The following KALRN variants were observed in gnomAD, a reference collection of about 807,000 sequenced individuals.
The protein encoded by KALRN is kalirin RhoGEF kinase, also known as kalirin.
KALRN carries 70 observed loss-of-function variants against 353.7 expected under a neutral mutation model. That is an observed-to-expected ratio of 0.20 (90% confidence interval 0.16 to 0.24). The LOEUF (loss-of-function observed/expected upper bound fraction) is 0.24. Among genes scored for constraint, KALRN ranks in the 10% least tolerant of loss-of-function variants. KALRN has a pLI of 1.00. For synonymous variants in KALRN, 1,391 were observed against 1,434.8 expected, an observed-to-expected ratio of 0.97 and a Z score of 0.69; for missense variants, 2,791 against 3,756.7, an observed-to-expected ratio of 0.74 and a Z score of 6.72.
rs1486954279 is a variant in KALRN at position 124,696,241 on chromosome 3, C to A, written c.7685C>A (p.Thr2562Lys). 1 of 1,613,954 alleles carries A rather than the reference C, an allele frequency of 6.2e-7. No individual in the cohort carries two copies. The change falls in exon 54 of 60, where the codon ACA becomes AAA. Residue 2562 changes from threonine (T) to lysine (K), a missense_variant. Transcript: ENST00000682506. ...CACGGGACCACATCAACGTCTGCAACAGTCAAAGTGCAAGGTACAGCCTCT... is the reference window on the plus strand; with the variant it reads ...CACGGGACCACATCAACGTCTGCAAAAGTCAAAGTGCAAGGTACAGCCTCT... ...NDHGTTSTSA[T>K]VKVQGVPAAP...
chr3:124,418,302 A>C (rs553986640), intron 14 of KALRN, among the ~76,000 whole-genome samples: 1 of 152,210 alleles, frequency 6.6e-6, no homozygotes, highest in Non-Finnish European at 1.5e-5. Flanking sequence ...CTTCTTAAAA[A>C]TACCAATGTC....
chr3:124,588,990 G>A (rs1244008823), intron 34 of KALRN, among the ~76,000 whole-genome samples: 1 of 152,172 alleles, frequency 6.6e-6, no homozygotes, highest in Non-Finnish European at 1.5e-5. Context: ...CACTTCACTG[G>A]GGAGGTGCAG....
chr3:124,284,085 C>T (rs183327206), intron 5 of KALRN, among the ~76,000 whole-genome samples: 3 of 152,248 alleles, frequency 2.0e-5, no homozygotes, highest in African/African-American at 4.8e-5. Context: ...GAGGAGAAAG[C>T]GGAGGCAGAG....
intron 3 of KALRN, among the ~76,000 whole-genome samples, chr3:124,257,821 G>A (rs892028270): frequency 1.3e-5 from 2 of 152,178 alleles, no homozygotes; most frequent in Admixed American, 1.3e-4. Flanking sequence ...GGATTTAAAA[G>A]TCTGCTTTGA....
chr3:124,633,736 T>G lies in KALRN; in HGVS notation c.5467-116T>G, dbSNP rs2081051499. On this transcript the variant is annotated intron_variant, in intron 35 of 59. Transcript: ENST00000682506. ...AAAGAGGAAATTGCGACTGAACAGT[T>G]AAGAGTGAGTTGAGAGAGGAACTCT... 3.7e-6 allele frequency: 3 copies of G among 817,528 alleles called. No homozygotes were observed. The Admixed American group carries it at 7.0e-5, about 19-fold the overall frequency. The allele number at this position is 817,528 out of a possible 1,614,324, so 50.6% of individuals were successfully genotyped here. A position where few individuals can be genotyped will look rare whatever the true frequency, so the allele number is the denominator to read the frequency against.
intron 1 of KALRN, among the ~76,000 whole-genome samples, chr3:124,124,620 A>C (rs1465256726): frequency 1.3e-5 from 2 of 152,244 alleles, no homozygotes; most frequent in Non-Finnish European, 2.9e-5. Flanking sequence ...AGAGTCAATC[A>C]ATGTGGCAAA....
intron 11 of KALRN, among the ~76,000 whole-genome samples, chr3:124,389,022 C>T (rs757042333): frequency 6.6e-6 from 1 of 152,036 alleles, no homozygotes; most frequent in Non-Finnish European, 1.5e-5. Context: ...TCCTTCTTAC[C>T]GTGAATAGAG....
chr3:124,538,834 C>A (rs1020929407), intron 33 of KALRN, among the ~76,000 whole-genome samples: 2 of 152,172 alleles, frequency 1.3e-5, no homozygotes, highest in Non-Finnish European at 2.9e-5. Flanking sequence ...TAAGTTAGAA[C>A]TTAAGAATGC....
intron 1 of KALRN, among the ~76,000 whole-genome samples, chr3:124,054,354 C>T (rs1181038816): frequency 1.3e-4 from 1 of 7,426 alleles, no homozygotes; most frequent in Non-Finnish European, 1.5e-3. Context: ...AAGACCCCAT[C>T]ACTTAAAAAT....
chr3:124,654,318 C>T (rs776927348), intron 38 of KALRN, among the ~76,000 whole-genome samples: 1 of 152,186 alleles, frequency 6.6e-6, no homozygotes, highest in African/African-American at 2.4e-5. Flanking sequence ...TCTGCTTCCT[C>T]CCCATTGCCC....
At position 124,461,870 on chromosome 3, in the gene KALRN, G is replaced by A; in HGVS notation, c.3855-20G>A. 8 of 1,596,322 alleles carry A rather than the reference G, an allele frequency of 5.0e-6. No homozygotes were observed. Among genetic ancestry groups the A allele is most frequent in the Non-Finnish European group, 6.9e-6 (8 of 1,164,222 alleles). The stretch of plus-strand genomic sequence containing the variant: ...ACATTATATCTATATCCAAGTAAAA[G>A]CCCATTTGTTTCCTTCTAGATTTAT... On this transcript the variant is annotated intron_variant, in intron 23 of 59. Transcript: ENST00000682506.
At chr3:124,608,513 A>G (rs1315302474) in intron 34 of KALRN, among the ~76,000 whole-genome samples, 1 of 152,102 alleles carries the variant, frequency 6.6e-6, no homozygotes, top group Non-Finnish European at 1.5e-5. Context: ...TCAGCGGAGA[A>G]CTTACAGCAT....
chr3:124,556,333 C>T (rs937086545), intron 33 of KALRN, among the ~76,000 whole-genome samples: 2 of 152,196 alleles, frequency 1.3e-5, no homozygotes, highest in South Asian at 2.1e-4. Context: ...TTCCAACATA[C>T]AAACTGATGA....
intron 1 of KALRN, among the ~76,000 whole-genome samples, chr3:124,069,330 AG>A (rs1320414081): frequency 1.7e-5 from 2 of 114,922 alleles, no homozygotes; most frequent in Non-Finnish European, 3.2e-5. Flanking sequence ...GAGGAGGAGG[AG>A]GAGGAGGAGG....
chr3:124,718,412 T>A (rs1342370405), intron 59 of KALRN, among the ~76,000 whole-genome samples: 1 of 152,198 alleles, frequency 6.6e-6, no homozygotes, highest in Non-Finnish European at 1.5e-5. Flanking sequence ...TGAGCCACCG[T>A]GCCCGGCCTC....
At chr3:124,414,400 G>T (rs2092380503) in intron 14 of KALRN, among the ~76,000 whole-genome samples, 1 of 152,146 alleles carries the variant, frequency 6.6e-6, no homozygotes. Flanking sequence ...CTATCTCCTT[G>T]TCTCCGGTTC....
At position 124,700,018 on chromosome 3, in the gene KALRN, C is replaced by A. The variant is rs1369664710; in HGVS notation, c.7981C>A (p.Arg2661=). ...SLPSEPSEFV[R]LPEYDAAADG... ...TCCCAGCGAGCCCTCGGAGTTTGTG[C>A]GACTTCCAGAATATGGTGAGTCCCA... Residue 2661 remains arginine, a synonymous_variant, in exon 56 of 60, where the codon CGA becomes AGA. Coordinates refer to ENST00000682506, the MANE Select transcript of KALRN (RefSeq NM_001388419.1). 1.9e-6 allele frequency: 3 copies of A among 1,613,968 alleles called. No individual in the cohort carries two copies. Among genetic ancestry groups the A allele is most frequent in the Middle Eastern group, 3.3e-4 (2 of 6,008 alleles).
intron 6 of KALRN, among the ~76,000 whole-genome samples, chr3:124,304,227 G>T (rs1054364722): frequency 6.6e-6 from 1 of 151,916 alleles, no homozygotes; most frequent in East Asian, 1.9e-4. Flanking sequence ...AGTAGACATA[G>T]AACTTGTTTT....
chr3:124,530,483 C>T (rs1193369665), intron 33 of KALRN, among the ~76,000 whole-genome samples: 1 of 152,118 alleles, frequency 6.6e-6, no homozygotes, highest in Non-Finnish European at 1.5e-5. Context: ...CCTTGACCTC[C>T]TGGGCTGAAG....
Sources: gnomAD v4.1 joint callset for allele counts (sites outside exome capture counted in the v4.1 genomes callset) on GRCh38, gnomAD v4.1.1 for gene constraint, MANE v1.5 for transcripts, NCBI Gene and HGNC (gene_info 2026-07-23, HGNC 2026-07-21) for gene names.